WWP2: variants seen among roughly 807,000 people sequenced by gnomAD.
WWP2 encodes the protein WW domain containing E3 ubiquitin protein ligase 2, also known as NEDD4-like E3 ubiquitin-protein ligase WWP2.
In WWP2, 57 loss-of-function variants were observed where a neutral mutation model predicts 121.0. The observed-to-expected ratio is 0.47, with a 90% confidence interval of 0.38 to 0.59. The LOEUF (loss-of-function observed/expected upper bound fraction) is 0.59. WWP2 is among the 20% of genes least tolerant of loss of function. The pLI is 0.00. For missense variants in WWP2, 962 were observed against 1,158.9 expected, an observed-to-expected ratio of 0.83 and a Z score of 2.47; for synonymous variants, 449 against 441.3, an observed-to-expected ratio of 1.02 and a Z score of -0.22.
intron 8 of WWP2, among the ~76,000 whole-genome samples, chr16:69,907,470 A>G (rs75255448): frequency 0.035 from 5,354 of 152,338 alleles, 333 homozygotes; most frequent in African/African-American, 0.12. Context: ...TCTCCTAGAC[A>G]GTACCCAAAA....
chr16:69,875,174 T>C (rs1425600687), intron 7 of WWP2, among the ~76,000 whole-genome samples: 1 of 152,250 alleles, frequency 6.6e-6, no homozygotes, highest in Non-Finnish European at 1.5e-5. Context: ...TTTTTTGGTT[T>C]CCCAGTGCAT....
chr16:69,880,658 C>G (rs957708508), intron 7 of WWP2, among the ~76,000 whole-genome samples: 1 of 152,200 alleles, frequency 6.6e-6, no homozygotes, highest in Non-Finnish European at 1.5e-5. Context: ...CATCCCATGC[C>G]GTGCTAATTA....
chr16:69,847,565 T>C lies in WWP2; in HGVS notation c.575+5445T>C, dbSNP rs2151883276. On this transcript the variant is annotated intron_variant, in intron 6 of 23. Coordinates refer to ENST00000359154, the MANE Select transcript of WWP2 (RefSeq NM_001270454.2). ...CTGGGATTACAGGCATGCGCCACCA[T>C]GCCTGACTAATTTTGTATTTTTAGT... Among the ~76,000 whole-genome samples the C allele has an allele frequency of 2.0e-5, 3 of 151,914 alleles. 1 individual carries two copies. The highest frequency in any genetic ancestry group is 4.4e-5 in the Non-Finnish European group (3 of 67,946).
chr16:69,805,748 C>T (rs939907956), intron 4 of WWP2, among the ~76,000 whole-genome samples: 4 of 150,222 alleles, frequency 2.7e-5, no homozygotes, highest in African/African-American at 9.8e-5. Context: ...GTAGCTGGGA[C>T]TATAGGTGTG....
intron 9 of WWP2, among the ~76,000 whole-genome samples, chr16:69,912,188 C>T (rs936429305): frequency 6.6e-6 from 1 of 151,712 alleles, no homozygotes; most frequent in Admixed American, 6.6e-5. Flanking sequence ...GCTTGGGAGG[C>T]TGAGGCAGGA....
At chr16:69,888,374 A>G (rs1369149430) in intron 8 of WWP2, 125 bp downstream of exon 8, 2 of 1,011,752 alleles carry the variant, frequency 2.0e-6, no homozygotes, top group African/African-American at 1.6e-5. Context: ...GCTGCTGTGC[A>G]TTGAAGCAAG....
intron 9 of WWP2, among the ~76,000 whole-genome samples, chr16:69,910,902 C>T (rs2058369880): frequency 6.6e-6 from 1 of 152,168 alleles, no homozygotes; most frequent in South Asian, 2.1e-4. Context: ...TCATGTTTTC[C>T]TGGGAGATGG....
chr16:69,852,260 A>C (rs1345730190), intron 6 of WWP2, among the ~76,000 whole-genome samples: 1 of 151,228 alleles, frequency 6.6e-6, no homozygotes, highest in East Asian at 2.0e-4. Flanking sequence ...CATTTCCTGG[A>C]TGATATATGA....
intron 4 of WWP2, among the ~76,000 whole-genome samples, chr16:69,839,371 C>G (rs2056934131): frequency 6.6e-6 from 1 of 152,180 alleles, no homozygotes; most frequent in Non-Finnish European, 1.5e-5. Context: ...TTCAGCACAG[C>G]CAAGTTCAGT....
At chr16:69,850,418 G>A (rs968065093) in intron 6 of WWP2, among the ~76,000 whole-genome samples, 1 of 151,860 alleles carries the variant, frequency 6.6e-6, no homozygotes, top group Non-Finnish European at 1.5e-5. Context: ...AAAAGTCAGG[G>A]TCCCTGACAT....
chr16:69,864,239 G>A (rs151046442), intron 6 of WWP2, among the ~76,000 whole-genome samples: 16 of 152,154 alleles, frequency 1.1e-4, no homozygotes, highest in South Asian at 2.1e-4. Flanking sequence ...ATGGTGGTGC[G>A]CACCTGTGAT....
At chr16:69,769,628 G>A (rs1330879813) in intron 1 of WWP2, among the ~76,000 whole-genome samples, 4 of 152,066 alleles carry the variant, frequency 2.6e-5, no homozygotes, top group Admixed American at 2.0e-4. Flanking sequence ...TTTCAGTATC[G>A]AGAAGTGGTT....
chr16:69,845,283 T>G (rs1208412127), intron 6 of WWP2, among the ~76,000 whole-genome samples: 1 of 152,116 alleles, frequency 6.6e-6, no homozygotes, highest in East Asian at 1.9e-4. Context: ...GAGACTCGTT[T>G]GTGCATGCCT....
At chr16:69,908,686 G>A (rs945533000) in intron 8 of WWP2, 75 bp from the exon 9 acceptor site, 21 of 1,554,288 alleles carry the variant, frequency 1.4e-5, no homozygotes, top group Middle Eastern at 3.4e-4. Context: ...CATGAGTGAT[G>A]AAGGTCTTCC....
At chr16:69,923,314 G>T (rs893606807) in intron 10 of WWP2, among the ~76,000 whole-genome samples, 23 of 78,818 alleles carry the variant, frequency 2.9e-4, no homozygotes, top group South Asian at 2.7e-3. Context: ...GTGTGTGTTG[G>T]GGGGGTGGGG....
chr16:69,936,883 G>C (rs1335511925), intron 19 of WWP2: 2 of 544,000 alleles, frequency 3.7e-6, no homozygotes, highest in African/African-American at 1.9e-5. Context: ...GTCGGCGCTG[G>C]GGGCAGGAGC....
intron 7 of WWP2, among the ~76,000 whole-genome samples, chr16:69,883,165 A>AG (rs2057860830): frequency 6.6e-6 from 1 of 152,010 alleles, no homozygotes; most frequent in Non-Finnish European, 1.5e-5. Flanking sequence ...AAAAAAAAAA[A>AG]AATTAATACA....
At position 69,767,599 on chromosome 16, in the gene WWP2, A is replaced by G. The variant is rs118147165; in HGVS notation, c.-16+5208A>G. ...AGTGAAAACACGTTGCAAGAAAGCAATGGGCAGCACAGCAGAGAAGGGGCT... is the reference window on the plus strand; with the variant it reads ...AGTGAAAACACGTTGCAAGAAAGCAGTGGGCAGCACAGCAGAGAAGGGGCT... On this transcript the variant is annotated intron_variant, in intron 1 of 23. Coordinates refer to ENST00000359154, the MANE Select transcript of WWP2 (RefSeq NM_001270454.2). 6.6e-5 allele frequency among the ~76,000 whole-genome samples: 10 copies of G among 152,340 alleles called. No homozygotes were observed. The East Asian group carries it at 7.7e-4, about 12-fold the overall frequency.
chr16:69,864,068 A>G (rs1597075497), intron 6 of WWP2, among the ~76,000 whole-genome samples: 1 of 152,128 alleles, frequency 6.6e-6, no homozygotes, highest in Admixed American at 6.5e-5. Context: ...TCTCATGGGT[A>G]AATACCTAGG....
Sources: allele counts gnomAD v4.1 joint callset (sites outside exome capture counted in the v4.1 genomes callset), GRCh38; gene constraint gnomAD v4.1.1; transcripts MANE v1.5; gene names NCBI Gene and HGNC (gene_info 2026-07-23, HGNC 2026-07-21).